SDHAF3: variants seen among roughly 807,000 people sequenced by gnomAD.
The protein encoded by SDHAF3 is succinate dehydrogenase assembly factor 3, mitochondrial.
SDHAF3 carries 18 observed loss-of-function variants against 11.5 expected under a neutral mutation model. The ratio of observed to expected loss-of-function variants is 1.56; its 90% CI spans 1.08 to 2.32. The LOEUF (loss-of-function observed/expected upper bound fraction) is 2.32, where lower values mean the gene tolerates loss of function less well. Ranked by LOEUF, SDHAF3 falls within the 30% of genes most tolerant of loss-of-function variation. The pLI is 0.00. For synonymous variants in SDHAF3, 72 were observed against 59.3 expected (o/e 1.21, Z -0.99); for missense variants, 200 against 154.4 (o/e 1.30, Z -1.57).
At chr7:97,119,341 G>C (rs1055447838) in intron 1 of SDHAF3, among the ~76,000 whole-genome samples, 6 of 152,154 alleles carry the variant, frequency 3.9e-5, no homozygotes, top group Non-Finnish European at 8.8e-5. Context: ...AAGTAGGAAA[G>C]AGTAGCAACT....
At position 97,139,206 on chromosome 7, in the gene SDHAF3, C is replaced by T. The variant is rs547122077; in HGVS notation, c.174+21309C>T. On this transcript the variant is annotated intron_variant, in intron 1 of 1. Coordinates refer to ENST00000432641, the MANE Select transcript of SDHAF3 (RefSeq NM_020186.3). ...AGAAGAATGAGGTTACACTGACAAC[C>T]GAAGGGTGAGAAGGGCAGAGAAGAG... Among the ~76,000 whole-genome samples the T allele has an allele frequency of 9.2e-5, 14 of 152,290 alleles. 1 individual carries two copies. In the South Asian group the frequency reaches 2.1e-3, roughly 23 times the overall value.
chr7:97,117,761 A>G lies in SDHAF3; in HGVS notation c.38A>G (p.Tyr13Cys). 6.2e-7 allele frequency: 1 copy of G among 1,614,172 alleles called. No homozygotes were observed. The highest frequency in any genetic ancestry group is 8.5e-7 in the Non-Finnish European group (1 of 1,180,014). Reference protein sequence around the residue: ...GRHVSRVRALYKRVLQLHRVL... With the variant: ...GRHVSRVRALCKRVLQLHRVL... ...CACGTTTCTCGAGTCCGGGCATTGT[A>G]CAAGCGCGTCTTGCAGCTGCACCGT... The change falls in exon 1 of 2, where the codon TAC becomes TGC. Residue 13 changes from tyrosine to cysteine, a missense_variant. Physicochemically the swap from Tyr to Cys is radical, Grantham distance 194. Coordinates refer to ENST00000432641, the MANE Select transcript of SDHAF3 (RefSeq NM_020186.3).
chr7:97,164,399 T>TTC (rs1789468547), intron 1 of SDHAF3, among the ~76,000 whole-genome samples: 3 of 148,754 alleles, frequency 2.0e-5, no homozygotes, highest in South Asian at 2.2e-4. Flanking sequence ...TTTTTTTTTT[T>TTC]CAGACAGAGT....
At chr7:97,163,597 C>G (rs1789450341) in intron 1 of SDHAF3, among the ~76,000 whole-genome samples, 1 of 152,186 alleles carries the variant, frequency 6.6e-6, no homozygotes, top group Admixed American at 6.5e-5. Flanking sequence ...AGCCTTGACT[C>G]TTTATCCAGT....
chr7:97,129,122 A>G (rs758567207), intron 1 of SDHAF3, among the ~76,000 whole-genome samples: 8 of 152,170 alleles, frequency 5.3e-5, no homozygotes, highest in Non-Finnish European at 1.0e-4. Context: ...GGTCTCTTTC[A>G]TGTTCCAAAT....
chr7:97,166,512 A>T (rs1789507724), intron 1 of SDHAF3, among the ~76,000 whole-genome samples: 1 of 152,160 alleles, frequency 6.6e-6, no homozygotes, highest in Non-Finnish European at 1.5e-5. Context: ...TGTTATGCAG[A>T]TGAAGTCTCC....
At chr7:97,127,388 T>C (rs1360075528) in intron 1 of SDHAF3, among the ~76,000 whole-genome samples, 3 of 152,236 alleles carry the variant, frequency 2.0e-5, no homozygotes, top group Non-Finnish European at 4.4e-5. Context: ...TTAGTTATTA[T>C]AACATTTTCT....
intron 1 of SDHAF3, among the ~76,000 whole-genome samples, chr7:97,143,013 C>T (rs1789078711): frequency 1.3e-5 from 2 of 151,058 alleles, no homozygotes; most frequent in Non-Finnish European, 2.9e-5. Context: ...GATTCTCCCG[C>T]CTCAACCTCC....
intron 1 of SDHAF3, among the ~76,000 whole-genome samples, chr7:97,118,977 A>G (rs1226670542): frequency 2.6e-5 from 4 of 152,212 alleles, no homozygotes; most frequent in Non-Finnish European, 4.4e-5. Context: ...CTTTTCAGAC[A>G]CAGAGCACTT....
chr7:97,148,047 G>T (rs542616670), intron 1 of SDHAF3, among the ~76,000 whole-genome samples: 1 of 152,032 alleles, frequency 6.6e-6, no homozygotes, highest in South Asian at 2.1e-4. Context: ...GGGATTACAG[G>T]CACATGCTAC....
chr7:97,157,991 G>A (rs1789330279), intron 1 of SDHAF3, among the ~76,000 whole-genome samples: 1 of 150,884 alleles, frequency 6.6e-6, no homozygotes, highest in African/African-American at 2.4e-5. Flanking sequence ...GAAGGGATAG[G>A]ATTAGGAGAT....
intron 1 of SDHAF3, among the ~76,000 whole-genome samples, chr7:97,119,106 A>G (rs1339050917): frequency 1.3e-5 from 2 of 152,244 alleles, no homozygotes; most frequent in Non-Finnish European, 2.9e-5. Flanking sequence ...CTATAAAATA[A>G]TAAGTGTTTA....
chr7:97,121,174 CG>C (rs1231868269), intron 1 of SDHAF3, among the ~76,000 whole-genome samples: 4 of 152,140 alleles, frequency 2.6e-5, no homozygotes, highest in African/African-American at 9.7e-5. Flanking sequence ...CTCCATAGAT[CG>C]GGGGTCTTAC....
At chr7:97,135,459 G>T (rs866393792) in intron 1 of SDHAF3, 28 of 152,066 alleles carry the variant, frequency 1.8e-4, no homozygotes, top group African/African-American at 6.8e-4. Flanking sequence ...CACTAATGGG[G>T]ATCTCTGGAT....
chr7:97,156,045 T>A (rs1789296753), intron 1 of SDHAF3, among the ~76,000 whole-genome samples: 3 of 152,184 alleles, frequency 2.0e-5, no homozygotes, highest in African/African-American at 7.2e-5. Context: ...CTAACTAAAG[T>A]CCATTCTTAT....
chr7:97,132,831 C>G (rs920555802), intron 1 of SDHAF3, among the ~76,000 whole-genome samples: 4 of 152,140 alleles, frequency 2.6e-5, no homozygotes, highest in African/African-American at 4.8e-5. Context: ...TATGTGCCAC[C>G]TTGATTGTGA....
intron 1 of SDHAF3, among the ~76,000 whole-genome samples, chr7:97,123,784 A>G (rs1310891289): frequency 5.8e-5 from 8 of 138,938 alleles, no homozygotes; most frequent in East Asian, 2.3e-4. Context: ...TACTGCATAA[A>G]TGTCTTTTTT....
chr7:97,125,369 A>G (rs1189315080), intron 1 of SDHAF3, among the ~76,000 whole-genome samples: 1 of 152,186 alleles, frequency 6.6e-6, no homozygotes, highest in Non-Finnish European at 1.5e-5. Flanking sequence ...ATTTAGTGCT[A>G]TAAATTTCCC....
At chr7:97,150,056 G>T (rs1310346115) in intron 1 of SDHAF3, among the ~76,000 whole-genome samples, 3 of 152,210 alleles carry the variant, frequency 2.0e-5, no homozygotes, top group Admixed American at 6.5e-5. Flanking sequence ...CCATAAGAGA[G>T]AACTCAGCCA....
Sources: allele counts gnomAD v4.1 joint callset (sites outside exome capture counted in the v4.1 genomes callset), GRCh38; gene constraint gnomAD v4.1.1; transcripts MANE v1.5; gene names NCBI Gene and HGNC (gene_info 2026-07-23, HGNC 2026-07-21).